Variants in MSL1 observed in about 807,000 individuals in gnomAD.
MSL1 encodes MSL complex subunit 1.
A neutral mutation model predicts 64.6 loss-of-function variants in MSL1; 21 were observed. The ratio of observed to expected loss-of-function variants is 0.33; its 90% CI spans 0.23 to 0.47. The LOEUF (loss-of-function observed/expected upper bound fraction) is 0.47. Ranked by LOEUF, MSL1 falls within the 20% of genes least tolerant of loss-of-function variation. The pLI, the probability that MSL1 is intolerant of heterozygous loss-of-function variation, is 1.00. For synonymous variants in MSL1, 339 were observed against 329.6 expected (o/e 1.03, Z -0.31); for missense variants, 664 against 793.2 (o/e 0.84, Z 1.96).
chr17:40,129,906 C>T (rs1198720393), intron 3 of MSL1: 1 of 369,336 alleles, frequency 2.7e-6, no homozygotes, highest in Non-Finnish European at 4.9e-6. Context: ...GGTGTAATCT[C>T]CGGCAACTTG....
Position 40,131,927 on chromosome 17 carries a change from G to T in MSL1, c.1424-107G>T, listed in dbSNP as rs1373617251. ...TGGATTCCTATCACTTGGTAACTTT[G>T]TCTCTTCTGGGGAGAGACCTCTTAT... is the stretch of plus-strand genomic sequence containing the variant. On this transcript the variant is annotated intron_variant, in intron 4 of 8. Coordinates refer to ENST00000398532, the MANE Select transcript of MSL1 (RefSeq NM_001365919.1). This position sits in a 1 kb window ranked among gnomAD's most constrained non-coding sequence, Gnocchi z 4.5. 1 of 786,956 alleles carries T rather than the reference G, an allele frequency of 1.3e-6. No homozygotes were observed. Among genetic ancestry groups the T allele is most frequent in the Non-Finnish European group, 2.1e-6 (1 of 482,050 alleles). 48.7% of individuals were successfully genotyped at this position (786,956 alleles called of 1,614,324 possible). A position where few individuals can be genotyped will look rare whatever the true frequency, so the allele number is the denominator to read the frequency against.
At position 40,122,724 on chromosome 17, in the gene MSL1, C is replaced by G. The variant is rs995427831; in HGVS notation, c.112C>G (p.Pro38Ala). ...GGCGCTGGGCGGGCCCGAGGACGAG[C>G]CTGGGGCGGCCGAAGCCCACTTCCT... ...AAALGGPEDE[P>A]GAAEAHFLPR... is the part of the protein sequence containing the mutation. The change falls in exon 1 of 9, where the codon CCT (proline) becomes GCT (alanine). Residue 38 changes from proline (P) to alanine (A), a missense_variant. Around this residue, in one of 4 missense-constraint regions of MSL1, gnomAD observed 466 missense variants for 499.0 expected, o/e 0.93. Transcript: ENST00000398532. The surrounding 1 kb of genome is among the most constrained non-coding windows in gnomAD (Gnocchi z 4.2). 1.4e-6 allele frequency: 2 copies of G among 1,461,584 alleles called. No individual in the cohort carries two copies. Among genetic ancestry groups the G allele is most frequent in the African/African-American group, 3.0e-5 (2 of 67,382 alleles). 90.5% of individuals were successfully genotyped at this position (1,461,584 alleles called of 1,614,324 possible). A position where few individuals can be genotyped will look rare whatever the true frequency, so the allele number is the denominator to read the frequency against.
chr17:40,124,137 G>C (rs113160989), intron 1 of MSL1, among the ~76,000 whole-genome samples: 49 of 152,204 alleles, frequency 3.2e-4, no homozygotes, highest in African/African-American at 1.2e-3. Context: ...TACTTCTGAG[G>C]AGCTTGGACG....
rs1424478735 is a variant in MSL1, at chr17:40,122,968, C to G, written c.356C>G (p.Ala119Gly). The G allele has an allele frequency of 6.5e-7, 1 of 1,527,054 alleles. No individual in the cohort carries two copies. The highest frequency in any genetic ancestry group is 2.0e-5 in the Admixed American group (1 of 50,448). The allele number at this position is 1,527,054 out of a possible 1,614,324, so 94.6% of individuals were successfully genotyped here. A position where few individuals can be genotyped will look rare whatever the true frequency, so the allele number is the denominator to read the frequency against. Residue 119 changes from alanine (A) to glycine (G), a missense_variant, in exon 1 of 9, where the codon GCC becomes GGC. Ala to Gly is a moderately conservative substitution (Grantham distance 60, BLOSUM62 0). Transcript: ENST00000398532. The surrounding 1 kb of genome is among the most constrained non-coding windows in gnomAD (Gnocchi z 4.2). The stretch of plus-strand genomic sequence containing the variant: ...CAAGCCGGCATTGGGGGGGAGCCTG[C>G]CGCAGCCGGAGCCGGCTGCAGCCCC... Reference protein sequence around the residue: ...TKQAGIGGEPAAAGAGCSPRP... With the variant: ...TKQAGIGGEPGAAGAGCSPRP...
intron 6 of MSL1, 99 bp from the exon 7 acceptor site, chr17:40,133,435 C>T: frequency 6.9e-7 from 1 of 1,439,188 alleles, no homozygotes; most frequent in Non-Finnish European, 9.3e-7. Flanking sequence ...CAGCAAGGGT[C>T]TTCCTAGCAT....
intron 1 of MSL1, among the ~76,000 whole-genome samples, chr17:40,125,821 A>G (rs1431960215): frequency 6.6e-6 from 1 of 152,196 alleles, no homozygotes; most frequent in Non-Finnish European, 1.5e-5. Flanking sequence ...CATGTATACA[A>G]TTAATTCTGG....
chr17:40,131,343 G>T lies in MSL1; in HGVS notation c.1376-194G>T. 1 of 484,060 alleles carries T rather than the reference G, an allele frequency of 2.1e-6. No homozygotes were observed. Among genetic ancestry groups the T allele is most frequent in the Non-Finnish European group, 3.7e-6 (1 of 268,406 alleles). The allele number at this position is 484,060 out of a possible 1,614,324, so 30.0% of individuals were successfully genotyped here. A position where few individuals can be genotyped will look rare whatever the true frequency, so the allele number is the denominator to read the frequency against. On this transcript the variant is annotated intron_variant, in intron 3 of 8. Transcript: ENST00000398532. This position sits in a 1 kb window ranked among gnomAD's most constrained non-coding sequence, Gnocchi z 4.5. Reference sequence around the variant, plus strand: ...AGTCGTCTCAGTGTAAAAAAAAAAAGTGGTGGGCTTATTTTCTTTTCTTTT... The same window carrying T: ...AGTCGTCTCAGTGTAAAAAAAAAAATTGGTGGGCTTATTTTCTTTTCTTTT...
In MSL1 at chr17:40,134,733, T is replaced by C. The variant is rs1045835456; in HGVS notation, c.*364T>C. The C allele has an allele frequency of 2.3e-5, 5 of 213,612 alleles. No homozygotes were observed. Among genetic ancestry groups the C allele is most frequent in the Non-Finnish European group, 4.7e-5 (5 of 105,470 alleles). The allele number at this position is 213,612 out of a possible 1,614,324, so 13.2% of individuals were successfully genotyped here. A position where few individuals can be genotyped will look rare whatever the true frequency, so the allele number is the denominator to read the frequency against. On this transcript the variant is annotated 3_prime_UTR_variant, in exon 9 of 9. Transcript: ENST00000398532. ...TGGAAGATGAAGCAGCCCCTTCCTT[T>C]AGAGCTGTGCCTGCATGGCACTCTT...
At position 40,131,610 on chromosome 17, in the gene MSL1, C is replaced by T. The variant is rs1050621309; in HGVS notation, c.1423+26C>T. On this transcript the variant is annotated intron_variant, in intron 4 of 8. Coordinates refer to ENST00000398532, the MANE Select transcript of MSL1 (RefSeq NM_001365919.1). This position sits in a 1 kb window ranked among gnomAD's most constrained non-coding sequence, Gnocchi z 4.5. ...GTGAGTAGAATAGGAATTGTGCTGG[C>T]TGGGCCTGGGGTGGGGGTTGGTGGG... 1 of 1,611,458 alleles carries T rather than the reference C, an allele frequency of 6.2e-7. No homozygotes were observed. The highest frequency in any genetic ancestry group is 1.3e-5 in the African/African-American group (1 of 74,900).
intron 1 of MSL1, 112 bp from the exon 2 acceptor site, chr17:40,126,071 A>T: frequency 1.2e-6 from 1 of 866,600 alleles, no homozygotes; most frequent in Middle Eastern, 2.2e-4. Flanking sequence ...AGTTGAGTTG[A>T]TGTGGTCCAT....
Position 40,129,259 on chromosome 17 carries a change from G to T in MSL1, c.1007G>T (p.Gly336Val). Residue 336 changes from glycine (G) to valine (V), a missense_variant, in exon 3 of 9, where the codon GGA (glycine) becomes GTA (valine). Physicochemically the swap from Gly to Val is moderately radical, Grantham distance 109. Transcript: ENST00000398532. Reference protein sequence around the residue: ...GKGHKRKSPFGSTERKTPVKK... With the variant: ...GKGHKRKSPFVSTERKTPVKK... ...CTATCTAATAGGAAATCCCCATTTG[G>T]AAGTACAGAAAGAAAGACTCCTGTT... The T allele has an allele frequency of 6.4e-7, 1 of 1,553,332 alleles. No homozygotes were observed. The highest frequency in any genetic ancestry group is 8.6e-7 in the Non-Finnish European group (1 of 1,157,592).
rs764641970 is a variant in MSL1, at chr17:40,133,633, C to T, written c.1656C>T (p.Thr552=). 16 of 1,613,476 alleles carry T rather than the reference C, an allele frequency of 9.9e-6. No individual in the cohort carries two copies. Among genetic ancestry groups the T allele is most frequent in the South Asian group, 3.3e-5 (3 of 91,040 alleles). ...TTCAGGAATCTGAGCCTGAGGTTAC[C>T]TCATTTTTCCCTGAGCCAGATGATG... ...KGIQESEPEV[T]SFFPEPDDVE... Residue 552 remains threonine, a synonymous_variant, in exon 7 of 9, where the codon ACC becomes ACT. Transcript: ENST00000398532.
In MSL1 at chr17:40,132,031, C is replaced by T. The variant is rs752080503; in HGVS notation, c.1424-3C>T. 2 of 1,582,584 alleles carry T rather than the reference C, an allele frequency of 1.3e-6. No homozygotes were observed. The highest frequency in any genetic ancestry group is 1.3e-5 in the African/African-American group (1 of 74,282). On this transcript the variant is annotated splice_region_variant and splice_polypyrimidine_tract_variant and intron_variant, in intron 4 of 8. Transcript: ENST00000398532. ...CTTTCTTTTTCTCTCTCTTTTTTTT[C>T]AGTTCCTTCTTGGAGGGACCACTCA...
rs774234143 is a variant in MSL1 at position 40,129,343 on chromosome 17, T to C, written c.1091T>C (p.Ile364Thr). ...VKTKTPKHSP[I>T]KEEPCGSLSE... ...ACAAAAACTCCTAAGCACTCTCCTATTAAAGAGGAACCCTGTGGTTCCTTA... is the reference window on the plus strand; with the variant it reads ...ACAAAAACTCCTAAGCACTCTCCTACTAAAGAGGAACCCTGTGGTTCCTTA... The change falls in exon 3 of 9, where the codon ATT (isoleucine) becomes ACT (threonine). Residue 364 changes from isoleucine (I) to threonine (T), a missense_variant. By Grantham distance (89) the Ile-to-Thr change is moderately conservative. Around this residue, in one of 4 missense-constraint regions of MSL1, gnomAD observed 466 missense variants for 499.0 expected, o/e 0.93. Coordinates refer to ENST00000398532, the MANE Select transcript of MSL1 (RefSeq NM_001365919.1). 3 of 1,611,826 alleles carry C rather than the reference T, an allele frequency of 1.9e-6. No homozygotes were observed. In the South Asian group the frequency reaches 3.3e-5, roughly 18 times the overall value.
Position 40,123,134 on chromosome 17 carries a change from A to G in MSL1, c.522A>G (p.Pro174=), listed in dbSNP as rs188505411. The part of the protein sequence containing the change: ...ATASDPAGPP[P]LPLPGPPPLA... ...CCTCGGACCCGGCGGGACCCCCACC[A>G]CTACCTCTGCCCGGGCCGCCACCCC... Residue 174 remains proline (P), a synonymous_variant, in exon 1 of 9, where the codon CCA becomes CCG. Coordinates refer to ENST00000398532, the MANE Select transcript of MSL1 (RefSeq NM_001365919.1). 1,473 of 1,532,748 alleles carry G rather than the reference A, an allele frequency of 9.6e-4. 25 individuals are homozygous for G. In the East Asian group the frequency reaches 0.029, roughly 30 times the overall value. 94.9% of individuals were successfully genotyped at this position (1,532,748 alleles called of 1,614,324 possible).
chr17:40,122,639 G>A lies in MSL1; in HGVS notation c.27G>A (p.Lys9=), dbSNP rs890777444. 4 of 1,489,882 alleles carry A rather than the reference G, an allele frequency of 2.7e-6. No individual in the cohort carries two copies. In the Admixed American group the frequency reaches 8.9e-5, roughly 33 times the overall value. 92.3% of individuals were successfully genotyped at this position (1,489,882 alleles called of 1,614,324 possible). A position where few individuals can be genotyped will look rare whatever the true frequency, so the allele number is the denominator to read the frequency against. MTMRSAVF[K]AAAAPAGGNP... Reference sequence around the variant, plus strand: ...TGACCATGAGATCCGCGGTGTTCAAGGCGGCCGCGGCCCCTGCCGGCGGCA... The same window carrying A: ...TGACCATGAGATCCGCGGTGTTCAAAGCGGCCGCGGCCCCTGCCGGCGGCA... The change falls in exon 1 of 9, where the codon AAG becomes AAA. Residue 9 remains lysine, a synonymous_variant. Coordinates refer to ENST00000398532, the MANE Select transcript of MSL1 (RefSeq NM_001365919.1). This position sits in a 1 kb window ranked among gnomAD's most constrained non-coding sequence, Gnocchi z 4.2.
chr17:40,133,310 T>C (rs746005646), intron 6 of MSL1: 20 of 743,140 alleles, frequency 2.7e-5, no homozygotes, highest in Middle Eastern at 3.6e-4. Context: ...TCTTTTTGTG[T>C]ATGACCTTCC....
chr17:40,124,003 A>G (rs577701162), intron 1 of MSL1, among the ~76,000 whole-genome samples: 143 of 152,328 alleles, frequency 9.4e-4, no homozygotes, highest in African/African-American at 3.1e-3. Flanking sequence ...TTTTATAAGC[A>G]TGGTGTTTGA....
In MSL1 at chr17:40,131,448, G is replaced by A; in HGVS notation, c.1376-89G>A. ...AAAAAACAAAATGGCTTCCTAGTGA[G>A]AACTTCAGTGATGATCCTTTCCTCC... On this transcript the variant is annotated intron_variant, in intron 3 of 8. Transcript: ENST00000398532. The surrounding 1 kb of genome is among the most constrained non-coding windows in gnomAD (Gnocchi z 4.5). 8.3e-7 allele frequency: 1 copy of A among 1,199,036 alleles called. No homozygotes were observed. Among genetic ancestry groups the A allele is most frequent in the Non-Finnish European group, 1.2e-6 (1 of 818,160 alleles). 74.3% of individuals were successfully genotyped at this position (1,199,036 alleles called of 1,614,324 possible).
Sources: gnomAD v4.1 joint callset for allele counts (sites outside exome capture counted in the v4.1 genomes callset) on GRCh38, gnomAD v4.1.1 for gene constraint, gnomAD v4.1.1 regional missense constraint, Gnocchi (gnomAD v3.1) non-coding constraint, MANE v1.5 for transcripts, NCBI Gene and HGNC (gene_info 2026-07-23, HGNC 2026-07-21) for gene names.